Variants in PTPRJ observed in about 807,000 individuals in gnomAD.
PTPRJ encodes receptor-type tyrosine-protein phosphatase eta.
Under a neutral mutation model 141.3 loss-of-function variants are expected in PTPRJ, and 129 were observed. The observed-to-expected ratio is 0.91, with a 90% CI of 0.79 to 1.06. The LOEUF is 1.06. Ranked by LOEUF, PTPRJ falls within the 50% of genes least tolerant of loss-of-function variation. The pLI, the probability that PTPRJ is intolerant of heterozygous loss-of-function variation, is 0.00. For synonymous variants in PTPRJ, 610 were observed against 640.5 expected (o/e 0.95, Z 0.72); for missense variants, 1,601 against 1,679.7 (o/e 0.95, Z 0.82).
At chr11:48,073,244 C>A (rs1387554167) in intron 1 of PTPRJ, among the ~76,000 whole-genome samples, 1 of 152,200 alleles carries the variant, frequency 6.6e-6, no homozygotes, top group Non-Finnish European at 1.5e-5. Context: ...CGGGCCTTGG[C>A]CATTCCTGTC....
At chr11:47,986,056 G>A (rs1479903130) in intron 1 of PTPRJ, among the ~76,000 whole-genome samples, 1 of 152,092 alleles carries the variant, frequency 6.6e-6, no homozygotes, top group Non-Finnish European at 1.5e-5. Context: ...GAACTCCTGG[G>A]TCCAGTTGAC....
At chr11:48,002,377 A>G (rs1854522107) in intron 1 of PTPRJ, among the ~76,000 whole-genome samples, 1 of 152,026 alleles carries the variant, frequency 6.6e-6, no homozygotes, top group Non-Finnish European at 1.5e-5. Flanking sequence ...ACCTCAACTG[A>G]TCTGCCCACC....
chr11:48,067,559 T>C (rs1855119213), intron 1 of PTPRJ, among the ~76,000 whole-genome samples: 1 of 152,194 alleles, frequency 6.6e-6, no homozygotes, highest in Non-Finnish European at 1.5e-5. Flanking sequence ...AAGTGTTCTT[T>C]TTCTTTCCCC....
At chr11:48,097,918 G>A (rs950027222) in intron 1 of PTPRJ, among the ~76,000 whole-genome samples, 2 of 152,022 alleles carry the variant, frequency 1.3e-5, no homozygotes, top group African/African-American at 4.8e-5. Context: ...CTTTCACTCC[G>A]TCCCTAGAGA....
chr11:47,981,088 C>T (rs1199573981), intron 1 of PTPRJ, 80 bp downstream of exon 1: 1 of 1,179,590 alleles, frequency 8.5e-7, no homozygotes, highest in East Asian at 3.5e-5. Context: ...GAGCGTACCC[C>T]CCCGGGGGGT....
chr11:48,126,934 G>A (rs1371438296), intron 6 of PTPRJ, among the ~76,000 whole-genome samples: 2 of 152,134 alleles, frequency 1.3e-5, no homozygotes, highest in Admixed American at 6.5e-5. Context: ...CCCAAGACAC[G>A]ACAGAAAGCC....
intron 1 of PTPRJ, among the ~76,000 whole-genome samples, chr11:48,093,034 C>A (rs1298213691): frequency 1.3e-5 from 2 of 152,114 alleles, no homozygotes; most frequent in African/African-American, 4.8e-5. Context: ...ATCTGATGGC[C>A]TATATTTTCT....
intron 18 of PTPRJ, among the ~76,000 whole-genome samples, chr11:48,150,758 C>A (rs985728866): frequency 3.3e-5 from 5 of 152,196 alleles, no homozygotes; most frequent in Non-Finnish European, 5.9e-5. Flanking sequence ...CCATGCTGTG[C>A]TCCAACCAGC....
In PTPRJ at chr11:48,083,719, T is replaced by C. The variant is rs185992013; in HGVS notation, c.97-26339T>C. 3.3e-5 allele frequency among the ~76,000 whole-genome samples: 5 copies of C among 152,328 alleles called. No homozygotes were observed. The East Asian group carries it at 9.6e-4, about 29-fold the overall frequency. ...CATGAATTCCCAGCACCCAGGACAG[T>C]GTCTGGCATGTAGTGAGTACCCAGT... On this transcript the variant is annotated intron_variant, in intron 1 of 24. Transcript: ENST00000418331.
intron 18 of PTPRJ, among the ~76,000 whole-genome samples, chr11:48,150,396 C>G (rs1396327463): frequency 6.6e-6 from 1 of 152,186 alleles, no homozygotes; most frequent in Non-Finnish European, 1.5e-5. Context: ...TGAACTCACA[C>G]AAACAGGTTA....
chr11:48,155,271 AC>A (rs1342789027), intron 19 of PTPRJ, among the ~76,000 whole-genome samples: 1 of 152,108 alleles, frequency 6.6e-6, no homozygotes, highest in Non-Finnish European at 1.5e-5. Context: ...AGAATGGTTA[AC>A]CTAGGGACCT....
intron 1 of PTPRJ, among the ~76,000 whole-genome samples, chr11:47,998,826 C>T (rs1431186417): frequency 2.0e-5 from 3 of 152,066 alleles, no homozygotes; most frequent in Non-Finnish European, 4.4e-5. Context: ...TGTCTCAGGC[C>T]CTATTCGGTA....
chr11:48,032,250 A>G (rs892431108), intron 1 of PTPRJ, among the ~76,000 whole-genome samples: 5 of 152,142 alleles, frequency 3.3e-5, no homozygotes, highest in African/African-American at 7.2e-5. Flanking sequence ...CTGGACTTCA[A>G]TGTACTGTTG....
At chr11:48,078,046 G>GTT (rs71308357) in intron 1 of PTPRJ, among the ~76,000 whole-genome samples, 4 of 147,286 alleles carry the variant, frequency 2.7e-5, no homozygotes, top group Non-Finnish European at 4.5e-5. Context: ...TGGATTCAGT[G>GTT]TTTTTTTTTT....
At chr11:48,134,256 A>G (rs1045299069) in intron 8 of PTPRJ, among the ~76,000 whole-genome samples, 1 of 152,188 alleles carries the variant, frequency 6.6e-6, no homozygotes, top group African/African-American at 2.4e-5. Context: ...TTGTATTTGA[A>G]TTTCTTTTTA....
intron 22 of PTPRJ, 145 bp from the exon 23 acceptor site, chr11:48,163,313 T>TA: frequency 1.4e-6 from 1 of 698,626 alleles, no homozygotes; most frequent in Non-Finnish European, 2.4e-6. Flanking sequence ...GCAAGCACTT[T>TA]ATCAGCTGCT....
rs397754076 is a variant in PTPRJ at position 48,159,098 on chromosome 11, G to GGT, written c.3439-832_3439-831insGT. 4.7e-5 allele frequency among the ~76,000 whole-genome samples: 6 copies of GGT among 128,054 alleles called. No individual in the cohort carries two copies. The South Asian group carries it at 1.1e-3, about 22-fold the overall frequency. The allele number at this position is 128,054 out of a possible 152,430, so 84.0% of individuals were successfully genotyped here. On this transcript the variant is annotated intron_variant, in intron 21 of 24. Coordinates refer to ENST00000418331, the MANE Select transcript of PTPRJ (RefSeq NM_002843.4). The stretch of plus-strand genomic sequence containing the variant: ...GTGTGTGCGTGTGTGTGTATGTGGG[G>GGT]TGTGTGTGTGTGTGTGTATGTGGGG...
At chr11:48,056,327 A>T (rs921516660) in intron 1 of PTPRJ, among the ~76,000 whole-genome samples, 3 of 152,130 alleles carry the variant, frequency 2.0e-5, no homozygotes, top group African/African-American at 7.2e-5. Flanking sequence ...TAGTTGTGTG[A>T]GCTCTCACCA....
chr11:48,008,191 A>C (rs1221888934), intron 1 of PTPRJ, among the ~76,000 whole-genome samples: 1 of 152,192 alleles, frequency 6.6e-6, no homozygotes. Flanking sequence ...GGGGAGGCTG[A>C]GCCCATGCGT....
Sources: gnomAD v4.1 joint callset for allele counts (sites outside exome capture counted in the v4.1 genomes callset) on GRCh38, gnomAD v4.1.1 for gene constraint, MANE v1.5 for transcripts, NCBI Gene and HGNC (gene_info 2026-07-23, HGNC 2026-07-21) for gene names.